Variants in RHOT2 observed in about 807,000 individuals in gnomAD.
RHOT2 encodes ras homolog family member T2.
A neutral mutation model predicts 81.6 loss-of-function variants in RHOT2; 90 were observed. The ratio of observed to expected loss-of-function variants is 1.10; its 90% CI spans 0.93 to 1.31. RHOT2 has a LOEUF of 1.31. Among genes scored for constraint, RHOT2 ranks in the 40% most tolerant of loss-of-function variants. The pLI, the probability that RHOT2 is intolerant of heterozygous loss-of-function variation, is 0.00. For synonymous variants in RHOT2, 512 were observed against 370.9 expected, an observed-to-expected ratio of 1.38 and a Z score of -4.37; for missense variants, 1,014 against 841.9, an observed-to-expected ratio of 1.20 and a Z score of -2.53.
In RHOT2 at chr16:673,484, T is replaced by G. The variant is rs1466378804; in HGVS notation, c.1735T>G (p.Leu579Val). Residue 579 changes from leucine to valine, a missense_variant, in exon 19 of 19, where the codon TTG (leucine) becomes GTG (valine). Physicochemically the swap from Leu to Val is conservative, Grantham distance 32. Transcript: ENST00000315082. Reference protein sequence around the residue: ...QLATMAAFPHLVHAELHPSSF... With the variant: ...QLATMAAFPHVVHAELHPSSF... ...GATGATTCTTCTCTCTTGCAGACAT[T>G]TGGTCCACGCAGAGCTGCATCCCTC... The G allele has an allele frequency of 6.2e-7, 1 of 1,612,464 alleles. No homozygotes were observed. Among genetic ancestry groups the G allele is most frequent in the Non-Finnish European group, 8.5e-7 (1 of 1,179,890 alleles).
chr16:671,810 G>GCCCCTCCCCCCCCCCCCC, intron 12 of RHOT2, 29 bp downstream of exon 12: 15 of 1,586,232 alleles, frequency 9.5e-6, no homozygotes, highest in Admixed American at 5.1e-5. Context: ...CCCTGCCCCT[G>GCCCCTCCCCCCCCCCCCC]CCCCCGCCCC....
Position 671,859 on chromosome 16 carries a change from G to GGACC in RHOT2, c.956_959dup (p.Asp321ProfsTer71), listed in dbSNP as rs1361664767. 1.4e-6 allele frequency: 2 copies of GGACC among 1,448,602 alleles called. No homozygotes were observed. Among genetic ancestry groups the GGACC allele is most frequent in the African/African-American group, 3.2e-5 (2 of 62,174 alleles). The allele number at this position is 1,448,602 out of a possible 1,614,324, so 89.7% of individuals were successfully genotyped here. On this transcript the variant is annotated frameshift_variant and splice_region_variant. Transcript: ENST00000315082. LOFTEE classifies it high-confidence loss of function. ...ACATCACCACATCCCTCCTTCTGCA[G>GGACC]GACCGCGACGGCGCCCTCTCGCCCG...
At chr16:672,059 GTGCC>G (rs1310228532) in intron 13 of RHOT2, 21 bp from the exon 14 acceptor site, 1 of 1,612,082 alleles carries the variant, frequency 6.2e-7, no homozygotes, top group Admixed American at 1.7e-5. Flanking sequence ...CCATAACACT[GTGCC>G]TGCCTCCCGC....
At chr16:671,573 C>T in intron 11 of RHOT2, 124 bp from the exon 12 acceptor site, 3 of 1,087,970 alleles carry the variant, frequency 2.8e-6, no homozygotes, top group South Asian at 1.5e-5. Flanking sequence ...CGGGGGCGTA[C>T]AGGAGCCTCT....
At position 670,109 on chromosome 16, in the gene RHOT2, G is replaced by C. The variant is rs372758800; in HGVS notation, c.277-14G>C. On this transcript the variant is annotated splice_polypyrimidine_tract_variant and intron_variant, in intron 5 of 18. Transcript: ENST00000315082. ...GCGGGCAGCCTCACTTCACAGCCAG[G>C]CTTTGCTTTTCAGATTCGAACTAAG... The C allele has an allele frequency of 3.2e-6, 5 of 1,555,568 alleles. No homozygotes were observed. The highest frequency in any genetic ancestry group is 4.3e-6 in the Non-Finnish European group (5 of 1,152,314).
rs1567241460 is a variant in RHOT2, at chr16:670,477, A to G, written c.460A>G (p.Asn154Asp). 2 of 1,607,318 alleles carry G rather than the reference A, an allele frequency of 1.2e-6. No homozygotes were observed. Among genetic ancestry groups the G allele is most frequent in the Non-Finnish European group, 1.7e-6 (2 of 1,176,950 alleles). The change falls in exon 8 of 19, where the codon AAC becomes GAC. Residue 154 changes from asparagine to aspartate, a missense_variant. By Grantham distance (23) the Asn-to-Asp change is conservative. Transcript: ENST00000315082. ...CCAGTGTTCGGCCAAGAACCTGAGG[A>G]ACATCTCAGAGCTGTTCTACTACGC... ...CVECSAKNLR[N>D]ISELFYYAQK...
chr16:671,060 C>T (rs1489908833), intron 10 of RHOT2, 23 bp from the exon 11 acceptor site: 4 of 1,608,560 alleles, frequency 2.5e-6, no homozygotes, highest in South Asian at 2.2e-5. Flanking sequence ...GCCTGGTGCT[C>T]CCCCTGCTTT....
At chr16:669,064 G>A (rs2038439101) in intron 4 of RHOT2, 1 of 403,318 alleles carries the variant, frequency 2.5e-6, no homozygotes, top group Non-Finnish European at 4.5e-6. Flanking sequence ...CACGTGTGCC[G>A]GGGACATCTC....
rs1167628252 is a variant in RHOT2 at position 670,942 on chromosome 16, G to T, written c.690G>T (p.Lys230Asn). ...CCCCGCAGGCCCTGGAGGACGTGAAGACGGTGGTGTGCAGGAACGTGGCGG... is the reference window on the plus strand; with the variant it reads ...CCCCGCAGGCCCTGGAGGACGTGAATACGGTGGTGTGCAGGAACGTGGCGG... ...PLAPQALEDV[K>N]TVVCRNVAGG... Residue 230 changes from lysine (K) to asparagine (N), a missense_variant, in exon 10 of 19, where the codon AAG becomes AAT. Transcript: ENST00000315082. 1 of 1,571,554 alleles carries T rather than the reference G, an allele frequency of 6.4e-7. No homozygotes were observed. The highest frequency in any genetic ancestry group is 1.8e-5 in the Admixed American group (1 of 57,068).
intron 5 of RHOT2, 167 bp downstream of exon 5, chr16:669,773 C>G (rs1256750644): frequency 4.3e-6 from 3 of 700,872 alleles, no homozygotes; most frequent in Admixed American, 4.3e-5. Context: ...GATCCCACTT[C>G]CCCTGAGAGG....
In RHOT2 at chr16:671,931, C is replaced by T; in HGVS notation, c.1026C>T (p.Gly342=). The part of the protein sequence containing the change: ...LFSVFPAAPW[G]PELPRTVRTE... ...GTGTGTTCCCAGCAGCGCCCTGGGG[C>T]CCCGAGCTCCCACGCACAGTCCGCA... Residue 342 remains glycine, a synonymous_variant, in exon 13 of 19, where the codon GGC becomes GGT. Coordinates refer to ENST00000315082, the MANE Select transcript of RHOT2 (RefSeq NM_138769.3). The T allele has an allele frequency of 6.2e-7, 1 of 1,612,252 alleles. No individual in the cohort carries two copies. The highest frequency in any genetic ancestry group is 8.5e-7 in the Non-Finnish European group (1 of 1,179,830).
chr16:672,889 C>T (rs1428406585), intron 17 of RHOT2, 39 bp from the exon 18 acceptor site: 1 of 1,612,288 alleles, frequency 6.2e-7, no homozygotes, highest in Admixed American at 1.7e-5. Flanking sequence ...GTGCCTCGGC[C>T]ACCCCAGGAC....
intron 11 of RHOT2, 43 bp downstream of exon 11, chr16:671,246 A>G: frequency 6.6e-7 from 1 of 1,512,686 alleles, no homozygotes. Flanking sequence ...CCCGAGGGTC[A>G]GGAGCTGACT....
rs775596235 is a variant in RHOT2, at chr16:670,883, C to G, written c.640-9C>G. The G allele has an allele frequency of 6.3e-7, 1 of 1,578,906 alleles. No homozygotes were observed. Among genetic ancestry groups the G allele is most frequent in the South Asian group, 1.1e-5 (1 of 88,574 alleles). On this transcript the variant is annotated splice_polypyrimidine_tract_variant and intron_variant, in intron 9 of 18. Coordinates refer to ENST00000315082, the MANE Select transcript of RHOT2 (RefSeq NM_138769.3). ...TGGCTGACTCCCAACAACGTTCTCT[C>G]GGAAGCAGAAATCCTGCTTTGGGCA...
rs559380680 is a variant in RHOT2, at chr16:669,391, G to A, written c.223-162G>A. On this transcript the variant is annotated intron_variant, in intron 4 of 18. Coordinates refer to ENST00000315082, the MANE Select transcript of RHOT2 (RefSeq NM_138769.3). Reference sequence around the variant, plus strand: ...CTGCTCTGCCAACACCAGGCTGGAGGCAGGTTTTAGGGAAGGCTGGGCTTT... The same window carrying A: ...CTGCTCTGCCAACACCAGGCTGGAGACAGGTTTTAGGGAAGGCTGGGCTTT... 2.0e-4 allele frequency: 133 copies of A among 663,212 alleles called. 1 individual carries two copies. Among genetic ancestry groups the A allele is most frequent in the South Asian group, 1.2e-3 (71 of 57,906 alleles). The allele number at this position is 663,212 out of a possible 1,614,324, so 41.1% of individuals were successfully genotyped here.
chr16:674,046 C>T lies in RHOT2; in HGVS notation c.*440C>T, dbSNP rs1410766428. 3.7e-6 allele frequency: 1 copy of T among 266,882 alleles called. No individual in the cohort carries two copies. The highest frequency in any genetic ancestry group is 7.6e-6 in the Non-Finnish European group (1 of 130,974). The allele number at this position is 266,882 out of a possible 1,614,324, so 16.5% of individuals were successfully genotyped here. ...AAAAGCAGGCGTTGGGGGGTCCCCCCTCAAGTTTGGAGCCGTTTCCGTGGT... is the reference window on the plus strand; with the variant it reads ...AAAAGCAGGCGTTGGGGGGTCCCCCTTCAAGTTTGGAGCCGTTTCCGTGGT... On this transcript the variant is annotated 3_prime_UTR_variant, in exon 19 of 19. Transcript: ENST00000315082.
At position 674,130 on chromosome 16, in the gene RHOT2, C is replaced by G. The variant is rs962369828; in HGVS notation, c.*524C>G. ...AAACTTCACTGTGTGTTTTCTATCT[C>G]GGATCCCAGTCTCTGAAGACAACTT... On this transcript the variant is annotated 3_prime_UTR_variant, in exon 19 of 19. Coordinates refer to ENST00000315082, the MANE Select transcript of RHOT2 (RefSeq NM_138769.3). The G allele has an allele frequency of 2.4e-5, 5 of 204,344 alleles. No individual in the cohort carries two copies. The highest frequency in any genetic ancestry group is 3.1e-5 in the Non-Finnish European group (3 of 96,832). 12.7% of individuals were successfully genotyped at this position (204,344 alleles called of 1,614,324 possible).
In RHOT2 at chr16:672,837, C is replaced by T. The variant is rs768902369; in HGVS notation, c.1527+12C>T. 8 of 1,612,600 alleles carry T rather than the reference C, an allele frequency of 5.0e-6. No individual in the cohort carries two copies. The highest frequency in any genetic ancestry group is 6.8e-6 in the Non-Finnish European group (8 of 1,179,962). On this transcript the variant is annotated intron_variant, in intron 17 of 18. Transcript: ENST00000315082. ...CCAGCGTCTACAAGGTGGGGCCCTGCAGGGGCCACGTGGCCATGGGGCAGG... is the reference window on the plus strand; with the variant it reads ...CCAGCGTCTACAAGGTGGGGCCCTGTAGGGGCCACGTGGCCATGGGGCAGG...
chr16:668,376 A>G lies in RHOT2; in HGVS notation c.61A>G (p.Ile21Val). The G allele has an allele frequency of 1.4e-6, 2 of 1,449,618 alleles. No homozygotes were observed. The highest frequency in any genetic ancestry group is 1.8e-6 in the Non-Finnish European group (2 of 1,108,706). 89.8% of individuals were successfully genotyped at this position (1,449,618 alleles called of 1,614,324 possible). A position where few individuals can be genotyped will look rare whatever the true frequency, so the allele number is the denominator to read the frequency against. Residue 21 changes from isoleucine to valine, a missense_variant, in exon 2 of 19, where the codon ATC (isoleucine) becomes GTC (valine). By Grantham distance (29) the Ile-to-Val change is conservative. Coordinates refer to ENST00000315082, the MANE Select transcript of RHOT2 (RefSeq NM_138769.3). ...GEAQVGKTSLILSLVGEEFPE... is the reference protein window; with the variant it reads ...GEAQVGKTSLVLSLVGEEFPE... The stretch of plus-strand genomic sequence containing the variant: ...AGCCCAGGTGGGGAAGACGTCGCTG[A>G]TCCTGTCCCTGGTGGGCGAGGAGTT...
Sources: allele counts gnomAD v4.1 joint callset, GRCh38; gene constraint gnomAD v4.1.1; transcripts MANE v1.5; gene names NCBI Gene and HGNC (gene_info 2026-07-23, HGNC 2026-07-21).